Variants in HOMER1 observed in about 807,000 individuals in gnomAD.
The protein encoded by HOMER1 is homer protein homolog 1.
A neutral mutation model predicts 48.9 loss-of-function variants in HOMER1; 3 were observed. That is an observed-to-expected ratio of 0.06 (90% CI 0.03 to 0.16). The LOEUF (loss-of-function observed/expected upper bound fraction) is 0.16, where lower values mean the gene tolerates loss of function less well. Ranked by LOEUF, HOMER1 falls within the 10% of genes least tolerant of loss-of-function variation. The pLI is 1.00. For missense variants in HOMER1, 247 were observed against 411.4 expected, an observed-to-expected ratio of 0.60 and a Z score of 3.46; for synonymous variants, 134 against 146.4, an observed-to-expected ratio of 0.92 and a Z score of 0.61.
intron 1 of HOMER1, among the ~76,000 whole-genome samples, chr5:79,489,649 A>T (rs1752213581): frequency 6.6e-6 from 1 of 152,188 alleles, no homozygotes; most frequent in Admixed American, 6.5e-5. Context: ...ATAAAACATT[A>T]AAAAAATTTA....
At chr5:79,449,249 T>TA (rs11290268) in intron 3 of HOMER1, among the ~76,000 whole-genome samples, 16 of 151,012 alleles carry the variant, frequency 1.1e-4, no homozygotes, top group East Asian at 9.7e-4. Flanking sequence ...TAATAGGCAA[T>TA]AAAAAAAAAC....
intron 4 of HOMER1, 55 bp downstream of exon 4, chr5:79,446,998 G>A: frequency 9.4e-7 from 1 of 1,066,930 alleles, no homozygotes; most frequent in Non-Finnish European, 1.5e-6. Context: ...TGGCATGAAG[G>A]ATATTATCTG....
chr5:79,437,896 ATCC>A (rs759571696), intron 5 of HOMER1, among the ~76,000 whole-genome samples: 31 of 152,124 alleles, frequency 2.0e-4, no homozygotes, highest in Non-Finnish European at 3.5e-4. Flanking sequence ...TCCTCAGGTG[ATCC>A]TCCTACCTCA....
chr5:79,435,095 T>G (rs767744094), intron 5 of HOMER1, among the ~76,000 whole-genome samples: 1 of 152,326 alleles, frequency 6.6e-6, no homozygotes, highest in South Asian at 2.1e-4. Context: ...TTCTCTCTGA[T>G]GTATGCTTGA....
rs779298030 is a variant in HOMER1 at position 79,500,959 on chromosome 5, G to GACACACACACACAC, written c.5+11810_5+11811insGTGTGTGTGTGTGT. ...TGTGTGTGTGTGTGTGTGTGAGACAGACAGACACACACACACACACACACA... is the reference window on the plus strand; with the variant it reads ...TGTGTGTGTGTGTGTGTGTGAGACAGACACACACACACACACAGACACACACACACACACACACA... On this transcript the variant is annotated intron_variant, in intron 1 of 8. Coordinates refer to ENST00000334082, the MANE Select transcript of HOMER1 (RefSeq NM_004272.5). Among the ~76,000 whole-genome samples, 765 of 129,918 alleles carry GACACACACACACAC rather than the reference G, an allele frequency of 5.9e-3. 7 individuals are homozygous for GACACACACACACAC. Among genetic ancestry groups the GACACACACACACAC allele is most frequent in the Middle Eastern group, 0.017 (4 of 230 alleles). The allele number at this position is 129,918 out of a possible 152,430, so 85.2% of individuals were successfully genotyped here.
At chr5:79,431,571 C>T (rs1329152750) in intron 5 of HOMER1, among the ~76,000 whole-genome samples, 1 of 152,026 alleles carries the variant, frequency 6.6e-6, no homozygotes, top group Non-Finnish European at 1.5e-5. Flanking sequence ...TTATACAACT[C>T]TGTGAATATA....
At chr5:79,419,309 A>G (rs970605536) in intron 5 of HOMER1, among the ~76,000 whole-genome samples, 3 of 152,208 alleles carry the variant, frequency 2.0e-5, no homozygotes, top group Non-Finnish European at 2.9e-5. Flanking sequence ...ACTGCTTTCT[A>G]TGGATGAATG....
At chr5:79,493,812 A>C (rs1752352094) in intron 1 of HOMER1, among the ~76,000 whole-genome samples, 1 of 152,162 alleles carries the variant, frequency 6.6e-6, no homozygotes, top group Non-Finnish European at 1.5e-5. Context: ...AACAAAACCA[A>C]AAGAATTTCC....
At chr5:79,458,509 T>G (rs1751233148) in intron 1 of HOMER1, among the ~76,000 whole-genome samples, 1 of 151,932 alleles carries the variant, frequency 6.6e-6, no homozygotes, top group Non-Finnish European at 1.5e-5. Flanking sequence ...GCAAGGCAAA[T>G]CTGAGTCCAC....
chr5:79,505,661 T>C (rs567728753), intron 1 of HOMER1, among the ~76,000 whole-genome samples: 3 of 152,258 alleles, frequency 2.0e-5, no homozygotes, highest in East Asian at 1.9e-4. Context: ...CTAATATTAA[T>C]ATTAGGTGTT....
chr5:79,423,439 T>C (rs1295526311), intron 5 of HOMER1, among the ~76,000 whole-genome samples: 2 of 152,162 alleles, frequency 1.3e-5, no homozygotes, highest in African/African-American at 4.8e-5. Flanking sequence ...TGTTGAAAAG[T>C]TGTAACTGAT....
chr5:79,448,900 C>T (rs145183800), intron 3 of HOMER1, among the ~76,000 whole-genome samples: 1 of 151,368 alleles, frequency 6.6e-6, no homozygotes, highest in East Asian at 1.9e-4. Context: ...CAATATTCAA[C>T]CTACCCTCAA....
At chr5:79,496,063 G>T (rs114314872) in intron 1 of HOMER1, among the ~76,000 whole-genome samples, 1 of 152,134 alleles carries the variant, frequency 6.6e-6, no homozygotes, top group Non-Finnish European at 1.5e-5. Flanking sequence ...ATGTATTAAA[G>T]ATGGAAAATA....
intron 5 of HOMER1, among the ~76,000 whole-genome samples, chr5:79,437,991 T>G (rs1221281948): frequency 6.6e-6 from 1 of 152,182 alleles, no homozygotes; most frequent in Non-Finnish European, 1.5e-5. Flanking sequence ...TTTTTCTTCT[T>G]CCTCAGCCTG....
chr5:79,385,867 A>G (rs1749097047), intron 8 of HOMER1, among the ~76,000 whole-genome samples: 1 of 137,268 alleles, frequency 7.3e-6, no homozygotes, highest in Admixed American at 7.4e-5. Context: ...AAAAAAAAAA[A>G]GCTATCATCT....
At chr5:79,420,566 C>G (rs927221552) in intron 5 of HOMER1, among the ~76,000 whole-genome samples, 1 of 152,198 alleles carries the variant, frequency 6.6e-6, no homozygotes, top group Non-Finnish European at 1.5e-5. Context: ...AATTATTTCT[C>G]TTATTCCCCC....
chr5:79,491,530 CT>C (rs1752279748), intron 1 of HOMER1, among the ~76,000 whole-genome samples: 1 of 149,402 alleles, frequency 6.7e-6, no homozygotes, highest in Non-Finnish European at 1.5e-5. Flanking sequence ...CTTGCTTGGG[CT>C]TTCTTTATGT....
chr5:79,421,861 G>C (rs963453731), intron 5 of HOMER1, among the ~76,000 whole-genome samples: 3 of 152,022 alleles, frequency 2.0e-5, no homozygotes, highest in African/African-American at 7.3e-5. Context: ...GCCTGGCTCA[G>C]GCTCCCATAG....
chr5:79,407,278 A>T (rs1367168532), intron 5 of HOMER1, among the ~76,000 whole-genome samples: 1 of 152,030 alleles, frequency 6.6e-6, no homozygotes, highest in Non-Finnish European at 1.5e-5. Flanking sequence ...AATGTTTAGC[A>T]TTCAATGAAA....
Sources: allele counts gnomAD v4.1 joint callset (sites outside exome capture counted in the v4.1 genomes callset), GRCh38; gene constraint gnomAD v4.1.1; transcripts MANE v1.5; gene names NCBI Gene and HGNC (gene_info 2026-07-23, HGNC 2026-07-21).